SULF2: variants seen among roughly 807,000 people sequenced by gnomAD.
SULF2 encodes the protein extracellular sulfatase Sulf-2.
Under a neutral mutation model 107.7 loss-of-function variants are expected in SULF2, and 52 were observed. The observed-to-expected ratio is 0.48, with a 90% CI of 0.39 to 0.61. SULF2 has a LOEUF of 0.61. Ranked by LOEUF, SULF2 falls within the 20% of genes least tolerant of loss-of-function variation. The pLI is 0.00. For missense variants in SULF2, 993 were observed against 1,177.3 expected (o/e 0.84, Z 2.29); for synonymous variants, 460 against 464.3 (o/e 0.99, Z 0.12).
intron 2 of SULF2, among the ~76,000 whole-genome samples, chr20:47,746,357 G>A (rs1013983742): frequency 3.3e-5 from 5 of 152,298 alleles, no homozygotes; most frequent in African/African-American, 9.6e-5. Context: ...CTATGAGGTC[G>A]AGCCACAGGC....
intron 3 of SULF2, among the ~76,000 whole-genome samples, chr20:47,726,682 T>C (rs2089452021): frequency 6.6e-6 from 1 of 152,228 alleles, no homozygotes; most frequent in African/African-American, 2.4e-5. Context: ...CTGTGGCTAG[T>C]GGCAACGGTA....
chr20:47,683,114 G>T lies in SULF2; in HGVS notation c.944C>A (p.Thr315Asn), dbSNP rs1364639548. 6.2e-7 allele frequency: 1 copy of T among 1,613,566 alleles called. No homozygotes were observed. The highest frequency in any genetic ancestry group is 2.2e-5 in the East Asian group (1 of 44,876). Residue 315 changes from threonine to asparagine, a missense_variant, in exon 7 of 21, where the codon ACC (threonine) becomes AAC (asparagine). Around this residue, in one of 3 missense-constraint regions of SULF2, gnomAD observed 388 missense variants for 449.2 expected, o/e 0.86. Transcript: ENST00000688720. ...GCCGATGTGGTAACCGTGGTCGGCG[G>T]TGTATACGATGTACGTGTTGTCCAG... Reference protein sequence around the residue: ...GELDNTYIVYTADHGYHIGQF... With the variant: ...GELDNTYIVYNADHGYHIGQF...
intron 3 of SULF2, among the ~76,000 whole-genome samples, chr20:47,723,174 T>C (rs552822792): frequency 1.3e-5 from 2 of 151,022 alleles, no homozygotes; most frequent in African/African-American, 2.4e-5. Flanking sequence ...AACCTGGGAG[T>C]TGGAGGTTGC....
rs200381009 is a variant in SULF2 at position 47,690,263 on chromosome 20, G to A, written c.600C>T (p.Ser200=). Residue 200 remains serine, a synonymous_variant, in exon 5 of 21, where the codon AGC becomes AGT. Transcript: ENST00000688720. ...DYLTDLITND[S]VSFFRTSKKM... is the part of the protein sequence containing the mutation. ...TCTTGGACGTGCGGAAGAAGCTCAC[G>A]CTGTCATTGGTGATGAGGTCTGTGA... The A allele has an allele frequency of 2.4e-5, 38 of 1,551,960 alleles. No homozygotes were observed. Among genetic ancestry groups the A allele is most frequent in the Middle Eastern group, 1.7e-4 (1 of 5,808 alleles).
At chr20:47,667,541 C>T (rs1159889952) in intron 11 of SULF2, among the ~76,000 whole-genome samples, 1 of 152,084 alleles carries the variant, frequency 6.6e-6, no homozygotes, top group Non-Finnish European at 1.5e-5. Context: ...CTCACGGGCC[C>T]ACAGTTCCAT....
At chr20:47,731,183 T>TTCTC (rs200339548) in intron 3 of SULF2, among the ~76,000 whole-genome samples, 3 of 112,502 alleles carry the variant, frequency 2.7e-5, no homozygotes, top group African/African-American at 1.2e-4. Flanking sequence ...CACCTGTATC[T>TTCTC]TCTCTTTTTT....
At position 47,672,369 on chromosome 20, in the gene SULF2, T is replaced by G; in HGVS notation, c.1405A>C (p.Thr469Pro). Residue 469 changes from threonine to proline, a missense_variant, in exon 11 of 21, where the codon ACG becomes CCG. By Grantham distance (38) the Thr-to-Pro change is conservative (BLOSUM62 -1). Around this residue, in one of 3 missense-constraint regions of SULF2, gnomAD observed 497 missense variants for 544.1 expected, o/e 0.91. Transcript: ENST00000688720. ...GQKWQCVEDA[T>P]GKLKLHKCKG... ...CACTTATGCAGCTTCAGCTTCCCCG[T>G]GGCGTCCTCCACACACTGCCACTTC... 1 of 1,611,952 alleles carries G rather than the reference T, an allele frequency of 6.2e-7. No homozygotes were observed. The highest frequency in any genetic ancestry group is 8.5e-7 in the Non-Finnish European group (1 of 1,179,634).
chr20:47,662,572 C>T (rs772625975), intron 17 of SULF2, among the ~76,000 whole-genome samples: 4 of 152,198 alleles, frequency 2.6e-5, no homozygotes, highest in East Asian at 1.9e-4. Flanking sequence ...CCACATGTTC[C>T]GATGACCAGA....
intron 5 of SULF2, among the ~76,000 whole-genome samples, chr20:47,687,767 G>A (rs962337826): frequency 1.3e-5 from 2 of 151,878 alleles, no homozygotes; most frequent in African/African-American, 4.8e-5. Context: ...GAGTGTAGTG[G>A]CGCAATCATA....
At chr20:47,682,629 T>C (rs111551017) in intron 7 of SULF2, among the ~76,000 whole-genome samples, 3 of 152,304 alleles carry the variant, frequency 2.0e-5, no homozygotes, top group African/African-American at 7.2e-5. Flanking sequence ...GCCTGTGCTG[T>C]GGTCCGGGGT....
intron 4 of SULF2, among the ~76,000 whole-genome samples, chr20:47,697,580 C>A (rs560599666): frequency 2.0e-5 from 3 of 152,180 alleles, no homozygotes; most frequent in Admixed American, 6.5e-5. Context: ...AGGATTTGAA[C>A]CCTGGACCTG....
At chr20:47,778,982 C>G (rs963401478) in intron 1 of SULF2, among the ~76,000 whole-genome samples, 2 of 152,182 alleles carry the variant, frequency 1.3e-5, no homozygotes, top group Non-Finnish European at 2.9e-5. Flanking sequence ...CATCCACGTT[C>G]ACCACCCACT....
At chr20:47,665,640 G>A (rs1047914661) in intron 13 of SULF2, among the ~76,000 whole-genome samples, 1 of 152,238 alleles carries the variant, frequency 6.6e-6, no homozygotes, top group East Asian at 1.9e-4. Context: ...GGGGGACAAC[G>A]TGGCTAAGCC....
intron 7 of SULF2, among the ~76,000 whole-genome samples, chr20:47,679,101 C>T (rs1409272704): frequency 6.6e-6 from 1 of 151,292 alleles, no homozygotes; most frequent in Non-Finnish European, 1.5e-5. Context: ...GTGAAGGCGA[C>T]CCCCCCTTTA....
At position 47,694,738 on chromosome 20, in the gene SULF2, G is replaced by A. The variant is rs549441102; in HGVS notation, c.568-4443C>T. 6.6e-6 allele frequency among the ~76,000 whole-genome samples: 1 copy of A among 152,168 alleles called. No individual in the cohort carries two copies. The highest frequency in any genetic ancestry group is 1.5e-5 in the Non-Finnish European group (1 of 68,030). On this transcript the variant is annotated intron_variant, in intron 4 of 20. Transcript: ENST00000688720. This position sits in a 1 kb window ranked among gnomAD's most constrained non-coding sequence, Gnocchi z 4.4. ...CCCTAGGCAAAAGCGTGTTTCCCTC[G>A]AGTGGGCACTCCGCACCGGGCTTCC...
At chr20:47,732,033 C>T (rs766483044) in intron 3 of SULF2, among the ~76,000 whole-genome samples, 5 of 151,128 alleles carry the variant, frequency 3.3e-5, no homozygotes, top group African/African-American at 4.9e-5. Flanking sequence ...TTGTGCAAAT[C>T]GTCATCGTCA....
chr20:47,660,271 G>T (rs1359656285), intron 18 of SULF2, among the ~76,000 whole-genome samples: 3 of 152,220 alleles, frequency 2.0e-5, no homozygotes, highest in Non-Finnish European at 4.4e-5. Context: ...TGACTAATAT[G>T]TCATTGCACT....
intron 1 of SULF2, among the ~76,000 whole-genome samples, chr20:47,773,940 T>G (rs2090678356): frequency 6.6e-6 from 1 of 152,276 alleles, no homozygotes; most frequent in African/African-American, 2.4e-5. Flanking sequence ...TTTTGACGGC[T>G]TGGTATTAAT....
chr20:47,743,348 A>C (rs1301549785), intron 2 of SULF2, among the ~76,000 whole-genome samples: 1 of 147,332 alleles, frequency 6.8e-6, no homozygotes, highest in African/African-American at 2.5e-5. Flanking sequence ...CTCACTCTGT[A>C]CCCAGGCTGG....
Sources: gnomAD v4.1 joint callset for allele counts (sites outside exome capture counted in the v4.1 genomes callset) on GRCh38, gnomAD v4.1.1 for gene constraint, gnomAD v4.1.1 regional missense constraint, Gnocchi (gnomAD v3.1) non-coding constraint, MANE v1.5 for transcripts, NCBI Gene and HGNC (gene_info 2026-07-23, HGNC 2026-07-21) for gene names.